Variants in ADGRV1 observed in about 807,000 individuals in gnomAD.
ADGRV1 encodes adhesion G protein-coupled receptor V1, also known as G-protein coupled receptor 98.
In ADGRV1, 359 loss-of-function variants were observed where a neutral mutation model predicts 596.2. That is an observed-to-expected ratio of 0.60 (90% CI 0.55 to 0.66). The LOEUF is 0.66. Ranked by LOEUF, ADGRV1 falls within the 30% of genes least tolerant of loss-of-function variation. ADGRV1 has a pLI of 0.00. For synonymous variants in ADGRV1, 2,681 were observed against 2,679.2 expected (o/e 1.00, Z -0.02); for missense variants, 7,274 against 7,575.6 (o/e 0.96, Z 1.48).
intron 85 of ADGRV1, among the ~76,000 whole-genome samples, chr5:91,020,208 GT>G (rs1293979420): frequency 1.3e-5 from 2 of 151,934 alleles, no homozygotes; most frequent in Non-Finnish European, 2.9e-5. Flanking sequence ...GCTACCACTG[GT>G]GTATGCTTTT....
intron 18 of ADGRV1, 35 bp from the exon 19 acceptor site, chr5:90,652,311 C>A: frequency 7.0e-7 from 1 of 1,426,222 alleles, no homozygotes; most frequent in Non-Finnish European, 9.6e-7. Flanking sequence ...GAGTAAGATT[C>A]ACTACTTATA....
intron 83 of ADGRV1, among the ~76,000 whole-genome samples, chr5:90,906,949 A>G (rs1310622596): frequency 3.3e-5 from 5 of 152,144 alleles, no homozygotes; most frequent in Non-Finnish European, 5.9e-5. Flanking sequence ...CAATTTGGAG[A>G]TGCACATCTA....
chr5:90,858,161 T>C (rs992098703), intron 82 of ADGRV1, among the ~76,000 whole-genome samples: 2 of 152,200 alleles, frequency 1.3e-5, no homozygotes, highest in African/African-American at 2.4e-5. Flanking sequence ...TAAACTAAGA[T>C]CATTCCTTGA....
At chr5:90,943,926 T>C (rs1410563732) in intron 83 of ADGRV1, among the ~76,000 whole-genome samples, 1 of 152,150 alleles carries the variant, frequency 6.6e-6, no homozygotes, top group Non-Finnish European at 1.5e-5. Context: ...AGTCAACTTC[T>C]AAGGTTCCAG....
chr5:90,705,088 G>A (rs1326628531), intron 36 of ADGRV1, among the ~76,000 whole-genome samples: 1 of 152,102 alleles, frequency 6.6e-6, no homozygotes. Flanking sequence ...GATTACAGGC[G>A]TGAGCCACCA....
intron 85 of ADGRV1, among the ~76,000 whole-genome samples, chr5:91,020,954 T>C (rs1783584657): frequency 6.8e-6 from 1 of 147,650 alleles, no homozygotes; most frequent in Non-Finnish European, 1.5e-5. Context: ...TTGAAATATG[T>C]TTAAGTTTGA....
chr5:90,820,039 G>A (rs1763318489), intron 75 of ADGRV1, among the ~76,000 whole-genome samples: 2 of 151,682 alleles, frequency 1.3e-5, no homozygotes, highest in South Asian at 4.2e-4. Context: ...CATTATTAAT[G>A]TGTGGGAGTC....
intron 1 of ADGRV1, among the ~76,000 whole-genome samples, chr5:90,610,613 A>G (rs1313523467): frequency 6.6e-6 from 1 of 152,016 alleles, no homozygotes; most frequent in Non-Finnish European, 1.5e-5. Flanking sequence ...GTGTCCTTTC[A>G]TGAATCCTTA....
chr5:90,706,458 T>C, intron 38 of ADGRV1, 64 bp downstream of exon 38: 1 of 1,379,416 alleles, frequency 7.2e-7, no homozygotes, highest in Non-Finnish European at 9.7e-7. Flanking sequence ...TTTATTATAC[T>C]TTAAGTTTTA....
intron 75 of ADGRV1, among the ~76,000 whole-genome samples, chr5:90,818,624 A>G (rs1319100339): frequency 6.6e-6 from 1 of 151,358 alleles, no homozygotes; most frequent in Non-Finnish European, 1.5e-5. Flanking sequence ...TTTAGCATGA[A>G]GGGTTGTTGA....
At chr5:90,928,628 A>G (rs764982737) in intron 83 of ADGRV1, among the ~76,000 whole-genome samples, 5,795 of 150,414 alleles carry the variant, frequency 0.039, 171 homozygotes, top group Non-Finnish European at 0.062. Context: ...TTCTTCTCTC[A>G]GCTCGTGAAA....
intron 64 of ADGRV1, 56 bp downstream of exon 64, chr5:90,779,153 A>C: frequency 1.9e-6 from 2 of 1,051,782 alleles, no homozygotes; most frequent in Non-Finnish European, 2.9e-6. Context: ...GAAAGAGAGA[A>C]AGTTCTATTG....
intron 43 of ADGRV1, chr5:90,718,127 A>G (rs1229395837): frequency 6.6e-6 from 1 of 152,220 alleles, no homozygotes; most frequent in Admixed American, 6.5e-5. Flanking sequence ...CTCTGTGCCC[A>G]TTAAGTAGTA....
In ADGRV1 at chr5:90,756,384, A is replaced by G. The variant is rs748485308; in HGVS notation, c.11581-70A>G. On this transcript the variant is annotated intron_variant, in intron 55 of 89. Coordinates refer to ENST00000405460, the MANE Select transcript of ADGRV1 (RefSeq NM_032119.4). ...GTCAATTATTTCCTTACTGAAAAAT[A>G]TCAAGTATTCAATGCAAGTTAAATG... 1.7e-5 allele frequency: 17 copies of G among 980,596 alleles called. 1 individual carries two copies. In the African/African-American group the frequency reaches 2.6e-4, roughly 15 times the overall value. 60.7% of individuals were successfully genotyped at this position (980,596 alleles called of 1,614,324 possible).
intron 85 of ADGRV1, among the ~76,000 whole-genome samples, chr5:91,048,408 C>A (rs979487380): frequency 2.6e-4 from 39 of 152,212 alleles, no homozygotes; most frequent in Non-Finnish European, 4.3e-4. Context: ...GTTTACCCAA[C>A]CTAACCACCT....
chr5:90,764,911 G>T (rs1756930442), intron 59 of ADGRV1, among the ~76,000 whole-genome samples: 1 of 152,108 alleles, frequency 6.6e-6, no homozygotes, highest in African/African-American at 2.4e-5. Context: ...GGAAGTTCCT[G>T]AATAGCCACT....
At chr5:90,991,109 G>A (rs931990003) in intron 85 of ADGRV1, among the ~76,000 whole-genome samples, 1 of 151,942 alleles carries the variant, frequency 6.6e-6, no homozygotes, top group African/African-American at 2.4e-5. Context: ...TCAAAGACAT[G>A]CCATACAGAG....
intron 58 of ADGRV1, among the ~76,000 whole-genome samples, chr5:90,760,713 A>G (rs549380845): frequency 3.3e-5 from 5 of 152,250 alleles, no homozygotes; most frequent in Admixed American, 6.5e-5. Context: ...CTTACTTCTC[A>G]TTGGCTGTTT....
intron 85 of ADGRV1, among the ~76,000 whole-genome samples, chr5:91,058,973 A>G (rs1787155095): frequency 6.6e-6 from 1 of 152,188 alleles, no homozygotes; most frequent in Admixed American, 6.5e-5. Context: ...CTCATACTGC[A>G]CAGCACTTTT....
Sources: allele counts gnomAD v4.1 joint callset (sites outside exome capture counted in the v4.1 genomes callset), GRCh38; gene constraint gnomAD v4.1.1; transcripts MANE v1.5; gene names NCBI Gene and HGNC (gene_info 2026-07-23, HGNC 2026-07-21).